Variants in GSN observed in about 807,000 individuals in gnomAD.
GSN encodes the protein gelsolin.
Under a neutral mutation model 85.7 loss-of-function variants are expected in GSN, and 56 were observed. That is an observed-to-expected ratio of 0.65 (90% CI 0.53 to 0.82). The LOEUF is 0.82. GSN is among the 40% of genes least tolerant of loss of function. The probability of loss-of-function intolerance (pLI) is 0.00; values close to 1 mark genes in which losing one functional copy is unlikely to be tolerated. For synonymous variants in GSN, 373 were observed against 399.1 expected, an observed-to-expected ratio of 0.93 and a Z score of 0.78; for missense variants, 857 against 979.8, an observed-to-expected ratio of 0.87 and a Z score of 1.67.
At chr9:121,213,009 G>C (rs1314648329) in intron 4 of GSN, among the ~76,000 whole-genome samples, 3 of 152,032 alleles carry the variant, frequency 2.0e-5, no homozygotes, top group Non-Finnish European at 4.4e-5. Context: ...AAGGAGAAAA[G>C]GCAGCGTGAA....
At chr9:121,312,285 G>A in intron 5 of GSN, 54 bp from the exon 6 acceptor site, 2 of 1,595,010 alleles carry the variant, frequency 1.3e-6, no homozygotes, top group South Asian at 1.1e-5. Context: ...CCCTGTCGCT[G>A]GGCGGGGCTT....
intron 4 of GSN, among the ~76,000 whole-genome samples, chr9:121,217,798 GTATTAT>G (rs202182690): frequency 0.066 from 9,417 of 143,316 alleles, 512 homozygotes; most frequent in Admixed American, 0.15. Context: ...ATATAGAAAT[GTATTAT>G]TATTATTATT....
chr9:121,292,760 G>A (rs1212228073), intron 2 of GSN, among the ~76,000 whole-genome samples: 2 of 152,032 alleles, frequency 1.3e-5, no homozygotes, highest in East Asian at 3.9e-4. Context: ...GTCATTTTTG[G>A]TATCTCCAGC....
At chr9:121,237,977 T>C (rs1269673402) in intron 5 of GSN, 1 of 152,248 alleles carries the variant, frequency 6.6e-6, no homozygotes, top group African/African-American at 2.4e-5. Flanking sequence ...TGGAACAATA[T>C]GTTACGTATT....
intron 5 of GSN, among the ~76,000 whole-genome samples, chr9:121,235,698 G>C (rs192722422): frequency 6.6e-6 from 1 of 152,168 alleles, no homozygotes; most frequent in African/African-American, 2.4e-5. Flanking sequence ...AGTGGAGAAA[G>C]CTTGCTGGTT....
intron 2 of GSN, chr9:121,281,824 T>C (rs1481600454): frequency 2.1e-6 from 1 of 471,130 alleles, no homozygotes; most frequent in African/African-American, 2.0e-5. Context: ...CCACCCTGGC[T>C]GTGCTGGTTG....
chr9:121,317,005 G>T, intron 7 of GSN, 81 bp from the exon 8 acceptor site: 1 of 1,579,770 alleles, frequency 6.3e-7, no homozygotes, highest in Non-Finnish European at 8.7e-7. Context: ...TGGGACAGGG[G>T]GTGGGGCAAG....
At position 121,329,169 on chromosome 9, in the gene GSN, G is replaced by A; in HGVS notation, c.1888-69G>A. The A allele has an allele frequency of 6.8e-7, 1 of 1,465,362 alleles. No homozygotes were observed. The highest frequency in any genetic ancestry group is 9.6e-7 in the Non-Finnish European group (1 of 1,046,242). 90.8% of individuals were successfully genotyped at this position (1,465,362 alleles called of 1,614,324 possible). On this transcript the variant is annotated intron_variant, in intron 15 of 17. Transcript: ENST00000432226. The surrounding 1 kb of genome is among the most constrained non-coding windows in gnomAD (Gnocchi z 4.6). ...GCAGCCAGCTGTGCCACTCCCTCAG[G>A]GGGCAGATAAAGGAAGGCCACCCAG...
At chr9:121,269,395 G>A (rs991443531) in intron 1 of GSN, among the ~76,000 whole-genome samples, 4 of 152,190 alleles carry the variant, frequency 2.6e-5, no homozygotes, top group Non-Finnish European at 5.9e-5. Context: ...CACACAGTGA[G>A]GCAGGGTAGG....
In GSN at chr9:121,303,007, T is replaced by C. The variant is rs1341747390; in HGVS notation, c.293T>C (p.Val98Ala). 6.2e-7 allele frequency: 1 copy of C among 1,613,948 alleles called. No individual in the cohort carries two copies. The highest frequency in any genetic ancestry group is 1.7e-5 in the Admixed American group (1 of 60,024). Reference sequence around the variant, plus strand: ...GGCCGGGCCGTGCAGCACCGTGAGGTCCAGGGCTTCGAGTCGGCCACCTTC... The same window carrying C: ...GGCCGGGCCGTGCAGCACCGTGAGGCCCAGGGCTTCGAGTCGGCCACCTTC... ...LNGRAVQHREVQGFESATFLG... is the reference protein window; with the variant it reads ...LNGRAVQHREAQGFESATFLG... Residue 98 changes from valine to alanine, a missense_variant, in exon 4 of 18, where the codon GTC (valine) becomes GCC (alanine). Val to Ala is a moderately conservative substitution (Grantham distance 64). Transcript: ENST00000432226.
intron 2 of GSN, chr9:121,283,400 T>A (rs1282071416): frequency 6.5e-6 from 1 of 154,126 alleles, no homozygotes; most frequent in Non-Finnish European, 1.5e-5. Flanking sequence ...CAGGTACAAG[T>A]GATTCTCCTG....
intron 6 of GSN, among the ~76,000 whole-genome samples, chr9:121,258,464 G>GAA (rs11283976): frequency 1.4e-5 from 2 of 145,108 alleles, no homozygotes; most frequent in African/African-American, 2.5e-5. Flanking sequence ...CTCCTTATCA[G>GAA]AAAAAAAAAA....
At chr9:121,230,607 T>A (rs1390311548) in intron 4 of GSN, among the ~76,000 whole-genome samples, 1 of 152,246 alleles carries the variant, frequency 6.6e-6, no homozygotes, top group Non-Finnish European at 1.5e-5. Context: ...CTTGTGTGTC[T>A]CTGGGTAAGT....
rs78498965 is a variant in GSN at position 121,312,513 on chromosome 9, T to G, written c.663+25T>G. 75,414 of 1,554,400 alleles carry G rather than the reference T, an allele frequency of 0.049. 2,169 individuals are homozygous for G. Among genetic ancestry groups the G allele is most frequent in the Non-Finnish European group, 0.059 (66,938 of 1,143,788 alleles). ...GGTGCCTGTGGGGTGCGCAATGGGG[T>G]GGCCATGGGGACACGCTGCTCATGA... On this transcript the variant is annotated intron_variant, in intron 6 of 17. Coordinates refer to ENST00000432226, the MANE Select transcript of GSN (RefSeq NM_198252.3).
rs2055078227 is a variant in GSN, at chr9:121,261,233, T to C, written c.-340-3921T>C. Among the ~76,000 whole-genome samples the C allele has an allele frequency of 6.6e-6, 1 of 152,226 alleles. No individual in the cohort carries two copies. Among genetic ancestry groups the C allele is most frequent in the Non-Finnish European group, 1.5e-5 (1 of 68,042 alleles). On this transcript the variant is annotated intron_variant, in intron 6 of 24. Transcript: ENST00000373823. The surrounding 1 kb of genome is among the most constrained non-coding windows in gnomAD (Gnocchi z 4.1). ...TTTCAGAAACAGCTGGGCTGATTCATCTAGAACAAAAGCCAGCTCTTCCTG... is the reference window on the plus strand; with the variant it reads ...TTTCAGAAACAGCTGGGCTGATTCACCTAGAACAAAAGCCAGCTCTTCCTG...
At chr9:121,295,009 C>T (rs1420248770) in intron 2 of GSN, among the ~76,000 whole-genome samples, 1 of 152,212 alleles carries the variant, frequency 6.6e-6, no homozygotes, top group African/African-American at 2.4e-5. Flanking sequence ...CTCTGCCTTA[C>T]ACAGCCCAGA....
At chr9:121,324,483 C>G in intron 11 of GSN, 71 bp from the exon 12 acceptor site, 1 of 794,842 alleles carries the variant, frequency 1.3e-6, no homozygotes. Context: ...GTAGGTTTCT[C>G]AGACTCAGGG....
chr9:121,330,195 C>T (rs752437777), intron 16 of GSN, among the ~76,000 whole-genome samples: 2 of 152,212 alleles, frequency 1.3e-5, no homozygotes, highest in African/African-American at 2.4e-5. Flanking sequence ...AGGCAAAATG[C>T]TGAGTGCTGA....
chr9:121,319,133 A>AT (rs1157226560), intron 10 of GSN, among the ~76,000 whole-genome samples: 1 of 152,220 alleles, frequency 6.6e-6, no homozygotes, highest in Non-Finnish European at 1.5e-5. Context: ...GACCTGTGTG[A>AT]TCAGTGGAAG....
Sources: allele counts gnomAD v4.1 joint callset (sites outside exome capture counted in the v4.1 genomes callset), GRCh38; gene constraint gnomAD v4.1.1; non-coding constraint Gnocchi (gnomAD v3.1); transcripts MANE v1.5; gene names NCBI Gene and HGNC (gene_info 2026-07-23, HGNC 2026-07-21).